UTP4: variants seen among roughly 807,000 people sequenced by gnomAD.
UTP4 encodes UTP4 small subunit processome component.
UTP4 carries 45 observed loss-of-function variants against 82.4 expected under a neutral mutation model. That is an observed-to-expected ratio of 0.55 (90% CI 0.43 to 0.70). UTP4 has a LOEUF of 0.70. Ranked by LOEUF, UTP4 falls within the 30% of genes least tolerant of loss-of-function variation. The probability of loss-of-function intolerance (pLI) is 0.00; values close to 1 mark genes in which losing one functional copy is unlikely to be tolerated. For synonymous variants in UTP4, 348 were observed against 300.3 expected (o/e 1.16, Z -1.64); for missense variants, 819 against 858.3 (o/e 0.95, Z 0.57).
At chr16:69,145,791 G>A (rs369862330) in intron 6 of UTP4, among the ~76,000 whole-genome samples, 22 of 152,194 alleles carry the variant, frequency 1.4e-4, no homozygotes, top group African/African-American at 5.1e-4. Context: ...TTGGCATAAG[G>A]TTAAGGCAGT....
intron 8 of UTP4, 56 bp downstream of exon 8, chr16:69,150,960 CCT>C (rs1963246859): frequency 7.5e-7 from 1 of 1,340,718 alleles, no homozygotes; most frequent in Non-Finnish European, 1.1e-6. Context: ...CCTGTGTCCC[CCT>C]GTCCCACAAG....
intron 14 of UTP4, among the ~76,000 whole-genome samples, chr16:69,163,981 G>T (rs572372307): frequency 2.0e-5 from 3 of 151,612 alleles, no homozygotes; most frequent in African/African-American, 7.3e-5. Flanking sequence ...CGCCTTCCGG[G>T]TTCATGTCAT....
intron 10 of UTP4, 135 bp downstream of exon 10, chr16:69,154,592 T>C: frequency 1.4e-6 from 1 of 723,666 alleles, no homozygotes; most frequent in Non-Finnish European, 2.5e-6. Flanking sequence ...AAGGACTGTG[T>C]CACCAGGACT....
chr16:69,147,217 T>G lies in UTP4; in HGVS notation c.739-3320T>G, dbSNP rs1206649962. 5.1e-5 allele frequency among the ~76,000 whole-genome samples: 7 copies of G among 136,014 alleles called. No homozygotes were observed. The South Asian group carries it at 7.3e-4, about 14-fold the overall frequency. 89.2% of individuals were successfully genotyped at this position (136,014 alleles called of 152,430 possible). A position where few individuals can be genotyped will look rare whatever the true frequency, so the allele number is the denominator to read the frequency against. On this transcript the variant is annotated intron_variant, in intron 6 of 16. Transcript: ENST00000314423. ...ATAATAATAATAATAATAATAATAATAATAAGCCGGGCGTGGTGACTCACG... is the reference window on the plus strand; with the variant it reads ...ATAATAATAATAATAATAATAATAAGAATAAGCCGGGCGTGGTGACTCACG...
chr16:69,134,587 C>T (rs112099413), intron 2 of UTP4, among the ~76,000 whole-genome samples: 9,414 of 151,508 alleles, frequency 0.062, 409 homozygotes, highest in Middle Eastern at 0.12. Context: ...CCCTGAAGAA[C>T]TAATCAAAAG....
At position 69,168,859 on chromosome 16, in the gene UTP4, C is replaced by T. The variant is rs764252930; in HGVS notation, c.1983C>T (p.Leu661=). 1.4e-5 allele frequency: 22 copies of T among 1,613,660 alleles called. No homozygotes were observed. The highest frequency in any genetic ancestry group is 4.4e-5 in the South Asian group (4 of 91,078). The change falls in exon 17 of 17, where the codon CTC becomes CTT. Residue 661 remains leucine (L), a synonymous_variant. Coordinates refer to ENST00000314423, the MANE Select transcript of UTP4 (RefSeq NM_032830.3). Reference sequence around the variant, plus strand: ...TGGATCTTTTGGATGAAAGAACACTCGTGGCAGTAGAACGGCCTCTGGATG... The same window carrying T: ...TGGATCTTTTGGATGAAAGAACACTTGTGGCAGTAGAACGGCCTCTGGATG... The part of the protein sequence containing the change: ...LFMDLLDERT[L]VAVERPLDDI...
At chr16:69,138,851 G>A (rs544439744) in intron 4 of UTP4, among the ~76,000 whole-genome samples, 78 of 151,802 alleles carry the variant, frequency 5.1e-4, no homozygotes, top group African/African-American at 1.9e-3. Context: ...GTGGGCCACA[G>A]TTTGGTGACC....
chr16:69,153,993 A>G (rs1421441726), intron 9 of UTP4, among the ~76,000 whole-genome samples: 1 of 152,236 alleles, frequency 6.6e-6, no homozygotes, highest in Non-Finnish European at 1.5e-5. Context: ...AAAAACAACA[A>G]GATTTAATGA....
intron 6 of UTP4, among the ~76,000 whole-genome samples, chr16:69,146,782 G>T (rs1462026439): frequency 6.6e-6 from 1 of 151,204 alleles, no homozygotes; most frequent in Non-Finnish European, 1.5e-5. Context: ...GGATCACGAG[G>T]TCAGGAGATC....
At chr16:69,158,162 T>TC (rs1963470662) in intron 12 of UTP4, among the ~76,000 whole-genome samples, 1 of 50,728 alleles carries the variant, frequency 2.0e-5, no homozygotes, top group African/African-American at 8.4e-5. Flanking sequence ...AAGTCAACTC[T>TC]TTTTTTTTTT....
At chr16:69,156,439 C>T (rs1446598727) in intron 11 of UTP4, among the ~76,000 whole-genome samples, 2 of 148,332 alleles carry the variant, frequency 1.3e-5, no homozygotes, top group African/African-American at 5.0e-5. Context: ...GCTGGCATTA[C>T]AGGCGTGAGC....
intron 6 of UTP4, among the ~76,000 whole-genome samples, chr16:69,148,663 G>A (rs1469117705): frequency 2.0e-5 from 3 of 150,360 alleles, no homozygotes; most frequent in African/African-American, 4.9e-5. Context: ...CCCAGGTGGA[G>A]TGCAGTGGTG....
At chr16:69,156,355 A>G (rs773161838) in intron 11 of UTP4, among the ~76,000 whole-genome samples, 2 of 150,260 alleles carry the variant, frequency 1.3e-5, no homozygotes, top group Non-Finnish European at 3.0e-5. Context: ...GAGTTTCACC[A>G]CCCGTTGGCC....
At chr16:69,150,489 A>G (rs756736856) in intron 6 of UTP4, 48 bp from the exon 7 acceptor site, 4 of 1,607,476 alleles carry the variant, frequency 2.5e-6, no homozygotes, top group Non-Finnish European at 2.6e-6. Context: ...TTTTCCAACC[A>G]GACCTTGTTT....
At position 69,136,833 on chromosome 16, in the gene UTP4, C is replaced by T. The variant is rs149468521; in HGVS notation, c.297C>T (p.Ala99=). 4 of 1,614,008 alleles carry T rather than the reference C, an allele frequency of 2.5e-6. No individual in the cohort carries two copies. In the African/African-American group the frequency reaches 5.3e-5, roughly 22 times the overall value. The change falls in exon 3 of 17, where the codon GCC becomes GCT. Residue 99 remains alanine (A), a synonymous_variant. Transcript: ENST00000314423. ...QALNIKYAMD[A]FGGPIWSMAA... ...TAAACATCAAGTATGCTATGGATGC[C>T]TTTGGAGGACCTATTTGGAGCATGG...
chr16:69,157,291 A>C lies in UTP4; in HGVS notation c.1444+51A>C, dbSNP rs2288038. 23 of 1,599,502 alleles carry C rather than the reference A, an allele frequency of 1.4e-5. No individual in the cohort carries two copies. The East Asian group carries it at 5.2e-4, about 36-fold the overall frequency. On this transcript the variant is annotated intron_variant, in intron 12 of 16. Transcript: ENST00000314423. ...GGAGACTTGTCGTGTCTAAGATGTA[A>C]CTTTTTTGCTTTTAAGCCTCCATGT...
rs1962648564 is a variant in UTP4 at position 69,132,667 on chromosome 16, G to C, written c.-25G>C. On this transcript the variant is annotated 5_prime_UTR_variant, in exon 1 of 17. Coordinates refer to ENST00000314423, the MANE Select transcript of UTP4 (RefSeq NM_032830.3). ...CCGGGGCGGAGAGAGGCGAGCACCG[G>C]GAAGGGGAGCGTGGGGCCGCTGGTG... is the stretch of plus-strand genomic sequence containing the variant. 1 of 348,540 alleles carries C rather than the reference G, an allele frequency of 2.9e-6. No homozygotes were observed. The highest frequency in any genetic ancestry group is 2.3e-5 in the African/African-American group (1 of 43,410). The allele number at this position is 348,540 out of a possible 1,614,324, so 21.6% of individuals were successfully genotyped here. A position where few individuals can be genotyped will look rare whatever the true frequency, so the allele number is the denominator to read the frequency against.
At chr16:69,134,115 G>C (rs1962740120) in intron 2 of UTP4, among the ~76,000 whole-genome samples, 2 of 152,162 alleles carry the variant, frequency 1.3e-5, no homozygotes, top group African/African-American at 4.8e-5. Flanking sequence ...TTTAAAATTA[G>C]GTAAAATGTC....
intron 12 of UTP4, among the ~76,000 whole-genome samples, chr16:69,159,997 A>AC (rs1286069758): frequency 2.3e-4 from 35 of 151,804 alleles, no homozygotes; most frequent in African/African-American, 8.0e-4. Flanking sequence ...AAAAAAAAAA[A>AC]CAAAAAACAG....
Sources: allele counts gnomAD v4.1 joint callset (sites outside exome capture counted in the v4.1 genomes callset), GRCh38; gene constraint gnomAD v4.1.1; transcripts MANE v1.5; gene names NCBI Gene and HGNC (gene_info 2026-07-23, HGNC 2026-07-21).